The following AKAP10 variants were observed in gnomAD, a reference collection of about 807,000 sequenced individuals.
AKAP10 encodes the protein A-kinase anchor protein 10, mitochondrial.
In AKAP10, 24 loss-of-function variants were observed where a neutral mutation model predicts 80.8. The observed-to-expected ratio is 0.30, with a 90% CI of 0.22 to 0.42. AKAP10 has a LOEUF of 0.42. Among genes scored for constraint, AKAP10 ranks in the 10% least tolerant of loss-of-function variants. The pLI is 1.00. For synonymous variants in AKAP10, 291 were observed against 277.7 expected (o/e 1.05, Z -0.48); for missense variants, 661 against 794.9 (o/e 0.83, Z 2.03).
At chr17:19,952,702 T>C (rs913078369) in intron 4 of AKAP10, among the ~76,000 whole-genome samples, 9 of 152,092 alleles carry the variant, frequency 5.9e-5, no homozygotes, top group African/African-American at 1.7e-4. Context: ...AATTACATAA[T>C]GATAAAACAG....
At chr17:19,907,799 T>C (rs1009586046) in intron 14 of AKAP10, among the ~76,000 whole-genome samples, 11 of 152,308 alleles carry the variant, frequency 7.2e-5, no homozygotes, top group Middle Eastern at 3.4e-3. Context: ...TTTCTATAGA[T>C]TGAGTTTTCT....
At chr17:19,912,981 CT>C (rs544057778) in intron 12 of AKAP10, among the ~76,000 whole-genome samples, 520 of 141,194 alleles carry the variant, frequency 3.7e-3, no homozygotes, top group Middle Eastern at 3.7e-3. Context: ...TTCTTTCTTT[CT>C]TTTTTTTTTT....
intron 12 of AKAP10, among the ~76,000 whole-genome samples, chr17:19,918,873 G>A (rs188325116): frequency 0.01 from 1,525 of 152,192 alleles, 15 homozygotes; most frequent in Non-Finnish European, 0.016. Flanking sequence ...CTACTCTTCT[G>A]ATTAAATGAA....
chr17:19,976,457 A>G (rs2043568244), intron 1 of AKAP10, among the ~76,000 whole-genome samples: 1 of 151,688 alleles, frequency 6.6e-6, no homozygotes, highest in African/African-American at 2.4e-5. Context: ...ATTGCACTCG[A>G]GCCTGGGCAA....
chr17:19,910,995 TA>T (rs925890482), intron 12 of AKAP10, among the ~76,000 whole-genome samples: 22 of 152,366 alleles, frequency 1.4e-4, no homozygotes, highest in African/African-American at 5.3e-4. Context: ...AACTTTGCTT[TA>T]AAACAAGTTA....
intron 3 of AKAP10, among the ~76,000 whole-genome samples, chr17:19,960,732 T>C (rs1011565069): frequency 6.6e-6 from 1 of 152,144 alleles, no homozygotes; most frequent in African/African-American, 2.4e-5. Context: ...TTTCACGTCA[T>C]AAGAAACCAC....
chr17:19,961,064 A>T (rs907399774), intron 3 of AKAP10, among the ~76,000 whole-genome samples: 2 of 151,516 alleles, frequency 1.3e-5, no homozygotes, highest in Non-Finnish European at 2.9e-5. Context: ...TGCCTAGGCC[A>T]GGCACAGTAG....
Position 19,909,199 on chromosome 17 carries a change from C to A in AKAP10, c.1965G>T (p.Pro655=). 6.2e-7 allele frequency: 1 copy of A among 1,612,262 alleles called. No individual in the cohort carries two copies. The highest frequency in any genetic ancestry group is 8.5e-7 in the Non-Finnish European group (1 of 1,179,424). ...DIMQQAQYDQ[P]LEKSTKL ...TCCTTACCTTTGTAGATTTCTCTAA[C>A]GGTTGATCATACTGAGCCTGCTGCA... The change falls in exon 14 of 15, where the codon CCG becomes CCT. Residue 655 remains proline, a synonymous_variant. Transcript: ENST00000225737.
At chr17:19,951,082 G>T (rs532833126) in intron 4 of AKAP10, among the ~76,000 whole-genome samples, 1 of 118,312 alleles carries the variant, frequency 8.5e-6, no homozygotes, top group Non-Finnish European at 1.8e-5. Context: ...GCAGCCGCCC[G>T]GTCTGCGAAG....
chr17:19,917,661 A>G (rs1181724699), intron 12 of AKAP10, among the ~76,000 whole-genome samples: 1 of 152,132 alleles, frequency 6.6e-6, no homozygotes, highest in Admixed American at 6.5e-5. Context: ...CTTTTACCCA[A>G]TACAAGCTCA....
At chr17:19,930,458 C>T (rs955739228) in intron 10 of AKAP10, among the ~76,000 whole-genome samples, 5 of 152,146 alleles carry the variant, frequency 3.3e-5, no homozygotes, top group Admixed American at 2.0e-4. Flanking sequence ...CAATGTGGCA[C>T]GGTAATGCAA....
At chr17:19,949,761 T>A (rs1229479935) in intron 4 of AKAP10, among the ~76,000 whole-genome samples, 1 of 138,772 alleles carries the variant, frequency 7.2e-6, no homozygotes, top group Admixed American at 7.3e-5. Flanking sequence ...AAAGAGAGAC[T>A]CTGTCTCAAA....
chr17:19,959,002 G>C lies in AKAP10; in HGVS notation c.320-431C>G, dbSNP rs190825071. On this transcript the variant is annotated intron_variant, in intron 3 of 14. Coordinates refer to ENST00000225737, the MANE Select transcript of AKAP10 (RefSeq NM_007202.4). ...TAAGTAGCTGGGATTACAGGCACCC[G>C]CCACCACGCTGAGCTAGTTTTTGTA... Among the ~76,000 whole-genome samples the C allele has an allele frequency of 2.6e-3, 400 of 151,786 alleles. 13 individuals are homozygous for C. The East Asian group carries it at 0.073, about 28-fold the overall frequency.
Position 19,944,215 on chromosome 17 carries a change from T to C in AKAP10, c.977-2305A>G, listed in dbSNP as rs572916619. 1.9e-4 allele frequency among the ~76,000 whole-genome samples: 29 copies of C among 152,308 alleles called. No individual in the cohort carries two copies. The South Asian group carries it at 5.2e-3, about 27-fold the overall frequency. ...TTGCTCCCATCTAAGCAATCTTCTATGTGAGCACTGGAATTCATCCCTTCT... is the reference window on the plus strand; with the variant it reads ...TTGCTCCCATCTAAGCAATCTTCTACGTGAGCACTGGAATTCATCCCTTCT... On this transcript the variant is annotated intron_variant, in intron 5 of 14. Coordinates refer to ENST00000225737, the MANE Select transcript of AKAP10 (RefSeq NM_007202.4).
intron 11 of AKAP10, 82 bp from the exon 12 acceptor site, chr17:19,920,200 A>T: frequency 9.5e-7 from 1 of 1,049,904 alleles, no homozygotes; most frequent in East Asian, 2.5e-5. Context: ...AAAGCGTTTC[A>T]TCTAAATCTA....
intron 1 of AKAP10, among the ~76,000 whole-genome samples, chr17:19,972,428 T>C (rs2043509655): frequency 6.6e-6 from 1 of 152,260 alleles, no homozygotes; most frequent in East Asian, 1.9e-4. Flanking sequence ...TATACTTTAT[T>C]GTATGAAAGT....
At chr17:19,907,674 G>A (rs2042645914) in intron 14 of AKAP10, among the ~76,000 whole-genome samples, 1 of 151,722 alleles carries the variant, frequency 6.6e-6, no homozygotes, top group African/African-American at 2.4e-5. Flanking sequence ...CAAAGTGCTG[G>A]GATTACAGGC....
chr17:19,958,486 G>A lies in AKAP10; in HGVS notation c.405C>T (p.Val135=), dbSNP rs771638884. Residue 135 remains valine (V), a synonymous_variant, in exon 4 of 15, where the codon GTC becomes GTT. Transcript: ENST00000225737. ...CCATGAATTGAATGAAGTAAGGGAG[G>A]ACAATAGTGTCGTGCAAGACTTGTT... The part of the protein sequence containing the change: ...TLEQVLHDTI[V]LPYFIQFMEL... 16 of 1,613,576 alleles carry A rather than the reference G, an allele frequency of 9.9e-6. No homozygotes were observed. The Admixed American group carries it at 2.5e-4, about 25-fold the overall frequency.
chr17:19,912,462 A>T (rs1273108057), intron 12 of AKAP10, among the ~76,000 whole-genome samples: 1 of 152,166 alleles, frequency 6.6e-6, no homozygotes, highest in Non-Finnish European at 1.5e-5. Flanking sequence ...GCTTGAACCC[A>T]GGAGACAGAG....
Sources: allele counts gnomAD v4.1 joint callset (sites outside exome capture counted in the v4.1 genomes callset), GRCh38; gene constraint gnomAD v4.1.1; transcripts MANE v1.5; gene names NCBI Gene and HGNC (gene_info 2026-07-23, HGNC 2026-07-21).